The following KIFAP3 variants were observed in gnomAD, a reference collection of about 807,000 sequenced individuals.
KIFAP3 encodes kinesin-associated protein 3.
A neutral mutation model predicts 106.5 loss-of-function variants in KIFAP3; 68 were observed. The observed-to-expected ratio is 0.64, with a 90% confidence interval of 0.53 to 0.78. The LOEUF (loss-of-function observed/expected upper bound fraction) is 0.78. KIFAP3 is among the 30% of genes least tolerant of loss of function. The pLI, the probability that KIFAP3 is intolerant of heterozygous loss-of-function variation, is 0.00. For missense variants in KIFAP3, 780 were observed against 941.8 expected, an observed-to-expected ratio of 0.83 and a Z score of 2.25; for synonymous variants, 320 against 311.5, an observed-to-expected ratio of 1.03 and a Z score of -0.29.
At chr1:170,037,407 T>C (rs1024463583) in intron 5 of KIFAP3, among the ~76,000 whole-genome samples, 10 of 152,080 alleles carry the variant, frequency 6.6e-5, no homozygotes, top group Non-Finnish European at 1.5e-4. Context: ...TTTTGGCAAA[T>C]GTATAATCAG....
At chr1:169,989,498 A>C (rs1666996185) in intron 11 of KIFAP3, among the ~76,000 whole-genome samples, 1 of 152,218 alleles carries the variant, frequency 6.6e-6, no homozygotes, top group Non-Finnish European at 1.5e-5. Flanking sequence ...ACTGCAAAGC[A>C]GAAACCTTTA....
intron 19 of KIFAP3, among the ~76,000 whole-genome samples, chr1:169,924,104 A>G (rs550074543): frequency 2.0e-5 from 3 of 152,320 alleles, no homozygotes; most frequent in Non-Finnish European, 4.4e-5. Flanking sequence ...CCTGATGGTT[A>G]TAACTTTCAT....
intron 1 of KIFAP3, among the ~76,000 whole-genome samples, chr1:170,074,067 T>C (rs775629017): frequency 2.6e-5 from 4 of 152,076 alleles, no homozygotes; most frequent in Non-Finnish European, 5.9e-5. Flanking sequence ...CCAGACTTTA[T>C]TCCCAGGCTC....
intron 17 of KIFAP3, among the ~76,000 whole-genome samples, chr1:169,964,685 A>C (rs566027938): frequency 8.5e-5 from 13 of 152,298 alleles, no homozygotes; most frequent in African/African-American, 2.9e-4. Context: ...TAATATGCAC[A>C]GAGATGTTGT....
At chr1:170,024,389 C>T (rs771464442) in intron 9 of KIFAP3, 29 bp downstream of exon 9, 11 of 1,413,804 alleles carry the variant, frequency 7.8e-6, no homozygotes, top group African/African-American at 1.5e-5. Flanking sequence ...CAAAAATGAA[C>T]TATTTCAAGA....
chr1:170,008,010 C>G (rs1253130628), intron 10 of KIFAP3, among the ~76,000 whole-genome samples: 1 of 152,058 alleles, frequency 6.6e-6, no homozygotes, highest in Non-Finnish European at 1.5e-5. Flanking sequence ...CAAAAACATA[C>G]AATGGGGAAA....
intron 15 of KIFAP3, among the ~76,000 whole-genome samples, chr1:169,979,570 CA>C (rs1170846252): frequency 6.6e-6 from 1 of 151,990 alleles, no homozygotes; most frequent in East Asian, 1.9e-4. Context: ...TAGGGAAATA[CA>C]AATTAAAATC....
chr1:169,941,522 T>C (rs1307484545), intron 19 of KIFAP3, among the ~76,000 whole-genome samples: 1 of 75,734 alleles, frequency 1.3e-5, no homozygotes, highest in East Asian at 3.6e-4. Context: ...ATGAGAATAA[T>C]TTTTTCTGTG....
At chr1:169,964,756 C>G (rs1195406249) in intron 17 of KIFAP3, among the ~76,000 whole-genome samples, 1 of 152,116 alleles carries the variant, frequency 6.6e-6, no homozygotes, top group East Asian at 1.9e-4. Context: ...CCAAGCGATA[C>G]CTCATTATGT....
chr1:169,955,552 G>A (rs956847062), intron 18 of KIFAP3, among the ~76,000 whole-genome samples: 1 of 151,986 alleles, frequency 6.6e-6, no homozygotes, highest in Admixed American at 6.6e-5. Context: ...AGGAGTAAGG[G>A]TCTAAAAAAT....
intron 8 of KIFAP3, 137 bp downstream of exon 8, chr1:170,031,748 CG>C (rs1669422692): frequency 3.5e-6 from 2 of 570,446 alleles, no homozygotes; most frequent in Admixed American, 5.3e-5. Flanking sequence ...TAAAGACAGA[CG>C]AACTTGTAGC....
chr1:169,940,093 G>A (rs565072535), intron 19 of KIFAP3, among the ~76,000 whole-genome samples: 1 of 152,200 alleles, frequency 6.6e-6, no homozygotes, highest in African/African-American at 2.4e-5. Flanking sequence ...CAAGAATGGG[G>A]TCTAGAGTAA....
intron 2 of KIFAP3, among the ~76,000 whole-genome samples, chr1:170,052,103 T>A (rs1023803324): frequency 6.6e-6 from 1 of 151,488 alleles, no homozygotes; most frequent in African/African-American, 2.4e-5. Context: ...GCTAGATTAA[T>A]AAAGAAGACA....
intron 18 of KIFAP3, among the ~76,000 whole-genome samples, chr1:169,955,723 C>T (rs1664979257): frequency 6.6e-6 from 1 of 152,094 alleles, no homozygotes; most frequent in Non-Finnish European, 1.5e-5. Flanking sequence ...TGTTAATGGA[C>T]ACCTTTGGTA....
chr1:170,079,779 T>G (rs1309138058), intron 1 of KIFAP3, among the ~76,000 whole-genome samples: 2 of 150,750 alleles, frequency 1.3e-5, no homozygotes, highest in East Asian at 3.9e-4. Context: ...ACTTCAGGGT[T>G]TTTTTTTTAA....
chr1:169,978,547 A>G (rs984616398), intron 15 of KIFAP3, among the ~76,000 whole-genome samples: 23 of 152,080 alleles, frequency 1.5e-4, no homozygotes, highest in Non-Finnish European at 3.2e-4. Flanking sequence ...GAATAATGTT[A>G]AACTTTACAG....
chr1:169,936,344 A>C (rs1663798661), intron 19 of KIFAP3, among the ~76,000 whole-genome samples: 2 of 151,920 alleles, frequency 1.3e-5, no homozygotes, highest in South Asian at 4.1e-4. Context: ...CCAAACCTGT[A>C]ATTATTCAAA....
intron 1 of KIFAP3, among the ~76,000 whole-genome samples, chr1:170,072,014 G>A (rs1671727752): frequency 6.6e-6 from 1 of 152,254 alleles, no homozygotes; most frequent in South Asian, 2.1e-4. Flanking sequence ...GAGTGTAAAT[G>A]CCATGAAGGC....
intron 9 of KIFAP3, 34 bp downstream of exon 9, chr1:170,024,384 A>G: frequency 7.3e-7 from 1 of 1,375,518 alleles, no homozygotes; most frequent in Non-Finnish European, 9.9e-7. Flanking sequence ...AATGGCAAAA[A>G]TGAACTATTT....
Sources: gnomAD v4.1 joint callset for allele counts (sites outside exome capture counted in the v4.1 genomes callset) on GRCh38, gnomAD v4.1.1 for gene constraint, MANE v1.5 for transcripts, NCBI Gene and HGNC (gene_info 2026-07-23, HGNC 2026-07-21) for gene names.